Variants in FST observed in about 807,000 individuals in gnomAD.
The protein encoded by FST is activin-binding protein.
FST carries 6 observed loss-of-function variants against 38.4 expected under a neutral mutation model. The observed-to-expected ratio is 0.16, with a 90% CI of 0.09 to 0.31. The LOEUF is 0.31. FST is among the 10% of genes least tolerant of loss of function. FST has a pLI of 1.00. For synonymous variants in FST, 157 were observed against 169.8 expected, an observed-to-expected ratio of 0.92 and a Z score of 0.59; for missense variants, 301 against 432.3, an observed-to-expected ratio of 0.70 and a Z score of 2.69.
At chr5:53,481,462 C>CAAAAAAAAAAAAAAAAA (rs70983342) in intron 1 of FST, among the ~76,000 whole-genome samples, 4 of 48,082 alleles carry the variant, frequency 8.3e-5, no homozygotes, top group East Asian at 8.0e-4. Flanking sequence ...CCCATTCTCG[C>CAAAAAAAAAAAAAAAAA]AAAAAAAAAA....
At position 53,486,072 on chromosome 5, in the gene FST, C is replaced by CAAAAAAAAAA. The variant is rs3083659; in HGVS notation, c.*51_*60dup. 11 of 266,720 alleles carry CAAAAAAAAAA rather than the reference C, an allele frequency of 4.1e-5. No individual in the cohort carries two copies. Among genetic ancestry groups the CAAAAAAAAAA allele is most frequent in the South Asian group, 1.8e-4 (2 of 11,092 alleles). 16.5% of individuals were successfully genotyped at this position (266,720 alleles called of 1,614,324 possible). A position where few individuals can be genotyped will look rare whatever the true frequency, so the allele number is the denominator to read the frequency against. Reference sequence around the variant, plus strand: ...GTTCAGTGTTGACATAGCCTTTGTGCAAAAAAAAAAAAAAAAAAAAAGAAA... The same window carrying CAAAAAAAAAA: ...GTTCAGTGTTGACATAGCCTTTGTGCAAAAAAAAAAAAAAAAAAAAAAAAAAAAAAAGAAA... On this transcript the variant is annotated 3_prime_UTR_variant, in exon 6 of 6. Coordinates refer to ENST00000256759, the MANE Select transcript of FST (RefSeq NM_013409.3).
At position 53,483,104 on chromosome 5, in the gene FST, C is replaced by T. The variant is rs746173367; in HGVS notation, c.277+33C>T. 4 of 1,462,670 alleles carry T rather than the reference C, an allele frequency of 2.7e-6. No individual in the cohort carries two copies. The highest frequency in any genetic ancestry group is 1.4e-5 in the African/African-American group (1 of 72,124). 90.6% of individuals were successfully genotyped at this position (1,462,670 alleles called of 1,614,324 possible). A position where few individuals can be genotyped will look rare whatever the true frequency, so the allele number is the denominator to read the frequency against. Reference sequence around the variant, plus strand: ...TCCTTCTTCCCAACTTGCAGGCCCTCAGTAGAGGGCGTCTTACCCTTAGCT... The same window carrying T: ...TCCTTCTTCCCAACTTGCAGGCCCTTAGTAGAGGGCGTCTTACCCTTAGCT... On this transcript the variant is annotated intron_variant, in intron 2 of 5. Transcript: ENST00000256759. This position sits in a 1 kb window ranked among gnomAD's most constrained non-coding sequence, Gnocchi z 4.1.
intron 1 of FST, among the ~76,000 whole-genome samples, chr5:53,481,482 A>AAAAAAAAAAAAAAAAC (rs1441220505): frequency 2.0e-5 from 3 of 150,296 alleles, no homozygotes; most frequent in Non-Finnish European, 3.0e-5. Flanking sequence ...AAAAAAAAAA[A>AAAAAAAAAAAAAAAAC]AAAAGCCAAA....
In FST at chr5:53,483,054, A is replaced by G. The variant is rs1441765710; in HGVS notation, c.260A>G (p.Asn87Ser). Residue 87 changes from asparagine (N) to serine (S), a missense_variant, in exon 2 of 6, where the codon AAC becomes AGC. Physicochemically the swap from Asn to Ser is conservative, Grantham distance 46 (BLOSUM62 1). Transcript: ENST00000256759. The surrounding 1 kb of genome is among the most constrained non-coding windows in gnomAD (Gnocchi z 4.1). ...ATGATTTTCAACGGGGGCGCCCCCA[A>G]CTGCATCCCCTGTAAAGGTAGGACT... ...KWMIFNGGAP[N>S]CIPCKETCEN... 1 of 1,612,718 alleles carries G rather than the reference A, an allele frequency of 6.2e-7. No homozygotes were observed. The highest frequency in any genetic ancestry group is 1.1e-5 in the South Asian group (1 of 90,978).
chr5:53,485,742 A>C (rs1176955025), intron 5 of FST: 9 of 1,605,452 alleles, frequency 5.6e-6, no homozygotes, highest in Non-Finnish European at 6.8e-6. Context: ...GCAGTTTTTG[A>C]CTTCATAGAT....
chr5:53,480,901 G>GAGGCTTGGCTGAGGAC (rs1747162731), intron 1 of FST, 25 bp downstream of exon 1: 1 of 1,377,984 alleles, frequency 7.3e-7, no homozygotes, highest in Admixed American at 2.1e-5. Context: ...ATGCGCTGGG[G>GAGGCTTGGCTGAGGAC]AGGCTTGGCT....
chr5:53,481,745 T>G (rs1396076077), intron 1 of FST, among the ~76,000 whole-genome samples: 1 of 152,236 alleles, frequency 6.6e-6, no homozygotes, highest in Non-Finnish European at 1.5e-5. Flanking sequence ...TATTGGTGAT[T>G]CATGAGAAGT....
chr5:53,482,869 T>C lies in FST; in HGVS notation c.86-11T>C. On this transcript the variant is annotated splice_polypyrimidine_tract_variant and intron_variant, in intron 1 of 5. Coordinates refer to ENST00000256759, the MANE Select transcript of FST (RefSeq NM_013409.3). ...TCACTCACCCACCTCCCCACCCTTG[T>C]CTCTTCACAGCTGGGAACTGCTGGC... 11 of 1,573,500 alleles carry C rather than the reference T, an allele frequency of 7.0e-6. No individual in the cohort carries two copies. Among genetic ancestry groups the C allele is most frequent in the Non-Finnish European group, 9.5e-6 (11 of 1,152,250 alleles).
Position 53,485,937 on chromosome 5 carries a change from A to G in FST, c.953-14A>G. 2 of 1,606,898 alleles carry G rather than the reference A, an allele frequency of 1.2e-6. No individual in the cohort carries two copies. The highest frequency in any genetic ancestry group is 4.5e-5 in the East Asian group (2 of 44,832). ...CGTATTTAAACAACAGCTCCCCTGT[A>G]TTCCCCCATCTAGCCATTTCGGAAG... On this transcript the variant is annotated splice_polypyrimidine_tract_variant and intron_variant, in intron 5 of 5. Transcript: ENST00000256759.
intron 5 of FST, chr5:53,485,696 C>T (rs768849271): frequency 3.7e-5 from 59 of 1,607,078 alleles, no homozygotes; most frequent in African/African-American, 1.6e-4. Context: ...GGAATCTGCC[C>T]GTAAAACCTG....
rs1747143609 is a variant in FST, at chr5:53,480,723, G to T, written c.-69G>T. ...CTGGCCTCTGCGACGCGCGCCGCTC[G>T]CCCGAGCCACCCGCCGCCGCGCCGG... On this transcript the variant is annotated 5_prime_UTR_variant, in exon 1 of 6. Coordinates refer to ENST00000256759, the MANE Select transcript of FST (RefSeq NM_013409.3). The T allele has an allele frequency of 9.4e-6, 4 of 424,642 alleles. No individual in the cohort carries two copies. The highest frequency in any genetic ancestry group is 1.3e-5 in the Non-Finnish European group (4 of 304,958). 26.3% of individuals were successfully genotyped at this position (424,642 alleles called of 1,614,324 possible).
chr5:53,482,246 CCTCT>C (rs927285097), intron 1 of FST, among the ~76,000 whole-genome samples: 27 of 151,280 alleles, frequency 1.8e-4, no homozygotes, highest in East Asian at 5.9e-4. Flanking sequence ...TTTCTTTCTT[CCTCT>C]CTCTCTTTCT....
Position 53,486,790 on chromosome 5 carries a change from G to A in FST, c.*757G>A, listed in dbSNP as rs1302473884. 2 of 152,224 alleles carry A rather than the reference G, an allele frequency of 1.3e-5. No homozygotes were observed. The highest frequency in any genetic ancestry group is 1.3e-4 in the Admixed American group (2 of 15,282). 9.4% of individuals were successfully genotyped at this position (152,224 alleles called of 1,614,324 possible). A position where few individuals can be genotyped will look rare whatever the true frequency, so the allele number is the denominator to read the frequency against. On this transcript the variant is annotated 3_prime_UTR_variant, in exon 6 of 6. Transcript: ENST00000256759. ...TAAGATGTTACAGATACAAAGAAAT[G>A]ATGTGGGTGTCAGGAGACTAAAGGA...
At position 53,483,375 on chromosome 5, in the gene FST, GGA is replaced by G. The variant is rs1747357352; in HGVS notation, c.278-123_278-122del. ...TCTTTCACCAACTCCCAATATTCCA[GGA>G]GAGAGCCTGGGGCCCCTCCAGCGCA... On this transcript the variant is annotated intron_variant, in intron 2 of 5. Coordinates refer to ENST00000256759, the MANE Select transcript of FST (RefSeq NM_013409.3). The surrounding 1 kb of genome is among the most constrained non-coding windows in gnomAD (Gnocchi z 4.1). 1 of 686,314 alleles carries G rather than the reference GGA, an allele frequency of 1.5e-6. No homozygotes were observed. Among genetic ancestry groups the G allele is most frequent in the Admixed American group, 2.5e-5 (1 of 40,510 alleles). 42.5% of individuals were successfully genotyped at this position (686,314 alleles called of 1,614,324 possible).
chr5:53,485,239 T>A lies in FST; in HGVS notation c.952+12T>A, dbSNP rs763116694. ...CGGATCTTGCAACTGTAAGTGCGAT[T>A]TTTAACCTTGCTGCCATTTAAGGCT... On this transcript the variant is annotated intron_variant, in intron 5 of 5. Coordinates refer to ENST00000256759, the MANE Select transcript of FST (RefSeq NM_013409.3). The A allele has an allele frequency of 6.9e-7, 1 of 1,441,502 alleles. No individual in the cohort carries two copies. Among genetic ancestry groups the A allele is most frequent in the Non-Finnish European group, 9.8e-7 (1 of 1,024,788 alleles). The allele number at this position is 1,441,502 out of a possible 1,614,324, so 89.3% of individuals were successfully genotyped here. A position where few individuals can be genotyped will look rare whatever the true frequency, so the allele number is the denominator to read the frequency against.
Position 53,486,111 on chromosome 5 carries a change from A to C in FST, c.*78A>C. The C allele has an allele frequency of 1.3e-6, 1 of 759,566 alleles. No individual in the cohort carries two copies. The highest frequency in any genetic ancestry group is 2.2e-6 in the Non-Finnish European group (1 of 464,748). 47.1% of individuals were successfully genotyped at this position (759,566 alleles called of 1,614,324 possible). A position where few individuals can be genotyped will look rare whatever the true frequency, so the allele number is the denominator to read the frequency against. On this transcript the variant is annotated 3_prime_UTR_variant, in exon 6 of 6. Transcript: ENST00000256759. ...AAAAAAAAGAAAAAGAAAAAAAGAAAAATATATTGTCCATACTGTAAATAA... is the reference window on the plus strand; with the variant it reads ...AAAAAAAAGAAAAAGAAAAAAAGAACAATATATTGTCCATACTGTAAATAA...
In FST at chr5:53,485,055, C is replaced by G; in HGVS notation, c.780C>G (p.Phe260Leu). ...CTGGKKCLWD[F>L]KVGRGRCSLC... ...GTGGGAAAAAATGTTTATGGGATTTCAAGGTTGGGAGAGGCCGGTGTTCCC... is the reference window on the plus strand; with the variant it reads ...GTGGGAAAAAATGTTTATGGGATTTGAAGGTTGGGAGAGGCCGGTGTTCCC... Residue 260 changes from phenylalanine to leucine, a missense_variant, in exon 5 of 6, where the codon TTC becomes TTG. Coordinates refer to ENST00000256759, the MANE Select transcript of FST (RefSeq NM_013409.3). 1 of 1,612,672 alleles carries G rather than the reference C, an allele frequency of 6.2e-7. No individual in the cohort carries two copies.
rs1374561923 is a variant in FST, at chr5:53,485,978, A to G, written c.980A>G (p.Glu327Gly). 5 of 1,593,066 alleles carry G rather than the reference A, an allele frequency of 3.1e-6. No homozygotes were observed. The highest frequency in any genetic ancestry group is 4.3e-6 in the Non-Finnish European group (5 of 1,169,692). The change falls in exon 6 of 6, where the codon GAG (glutamate) becomes GGG (glycine). Residue 327 changes from glutamate to glycine, a missense_variant. By Grantham distance (98) the Glu-to-Gly change is moderately conservative. Transcript: ENST00000256759. The stretch of plus-strand genomic sequence containing the variant: ...ATTTCGGAAGACACCGAGGAAGAGG[A>G]GGAAGATGAAGACCAGGACTACAGC... ...NSISEDTEEE[E>G]EDEDQDYSFP...
rs3083659 is a variant in FST at position 53,486,072 on chromosome 5, C to CAAAAAAAAAAAAAA, written c.*47_*60dup. On this transcript the variant is annotated 3_prime_UTR_variant, in exon 6 of 6. Coordinates refer to ENST00000256759, the MANE Select transcript of FST (RefSeq NM_013409.3). ...GTTCAGTGTTGACATAGCCTTTGTG[C>CAAAAAAAAAAAAAA]AAAAAAAAAAAAAAAAAAAAAGAAA... is the stretch of plus-strand genomic sequence containing the variant. 8.5e-4 allele frequency: 227 copies of CAAAAAAAAAAAAAA among 265,666 alleles called. 1 individual carries two copies. Among genetic ancestry groups the CAAAAAAAAAAAAAA allele is most frequent in the African/African-American group, 3.1e-3 (66 of 21,464 alleles). The allele number at this position is 265,666 out of a possible 1,614,324, so 16.5% of individuals were successfully genotyped here. A position where few individuals can be genotyped will look rare whatever the true frequency, so the allele number is the denominator to read the frequency against.
Sources: allele counts gnomAD v4.1 joint callset (sites outside exome capture counted in the v4.1 genomes callset), GRCh38; gene constraint gnomAD v4.1.1; non-coding constraint Gnocchi (gnomAD v3.1); transcripts MANE v1.5; gene names NCBI Gene and HGNC (gene_info 2026-07-23, HGNC 2026-07-21).